The following PLS1 variants were observed in gnomAD, a reference collection of about 807,000 sequenced individuals.
PLS1 encodes plastin 1.
A neutral mutation model predicts 73.7 loss-of-function variants in PLS1; 32 were observed. The observed-to-expected ratio is 0.43, with a 90% CI of 0.33 to 0.58. The LOEUF (loss-of-function observed/expected upper bound fraction) is 0.58. PLS1 is among the 20% of genes least tolerant of loss of function. The pLI is 0.04. For missense variants in PLS1, 633 were observed against 740.5 expected (o/e 0.85, Z 1.68); for synonymous variants, 217 against 261.3 (o/e 0.83, Z 1.63).
At chr3:142,638,132 A>G (rs1328538680) in intron 1 of PLS1, among the ~76,000 whole-genome samples, 1 of 152,176 alleles carries the variant, frequency 6.6e-6, no homozygotes, top group East Asian at 1.9e-4. Flanking sequence ...TTCTATAATT[A>G]AGTCGTTTTA....
At chr3:142,636,048 CCTG>C (rs1053663175) in intron 1 of PLS1, among the ~76,000 whole-genome samples, 22 of 135,318 alleles carry the variant, frequency 1.6e-4, no homozygotes, top group African/African-American at 5.5e-4. Context: ...TGCCATCACA[CCTG>C]CTAATTTTTT....
intron 9 of PLS1, among the ~76,000 whole-genome samples, chr3:142,688,510 G>A (rs761325925): frequency 2.0e-5 from 3 of 152,292 alleles, no homozygotes; most frequent in Non-Finnish European, 2.9e-5. Flanking sequence ...AAACTTTGAC[G>A]TGACATTTTC....
chr3:142,654,058 A>G (rs2037163257), intron 1 of PLS1, among the ~76,000 whole-genome samples: 1 of 152,186 alleles, frequency 6.6e-6, no homozygotes, highest in Non-Finnish European at 1.5e-5. Context: ...AATAGTAGAA[A>G]AGTCTTGGTG....
intron 14 of PLS1, among the ~76,000 whole-genome samples, chr3:142,706,176 G>A (rs867417757): frequency 2.0e-5 from 3 of 152,060 alleles, no homozygotes; most frequent in Non-Finnish European, 4.4e-5. Context: ...TAAAGAAAAA[G>A]GCATAAAGTA....
At chr3:142,702,824 T>C (rs1446254370) in intron 12 of PLS1, among the ~76,000 whole-genome samples, 1 of 152,184 alleles carries the variant, frequency 6.6e-6, no homozygotes, top group Non-Finnish European at 1.5e-5. Flanking sequence ...TGTTTATGTA[T>C]CAGATTCTTA....
At chr3:142,596,792 T>G (rs2108524695) in intron 1 of PLS1, among the ~76,000 whole-genome samples, 1 of 152,322 alleles carries the variant, frequency 6.6e-6, no homozygotes, top group South Asian at 2.1e-4. Flanking sequence ...AATAAGGTAT[T>G]TCATTAAGTT....
chr3:142,697,107 A>G (rs578050179), intron 11 of PLS1, among the ~76,000 whole-genome samples: 2 of 152,344 alleles, frequency 1.3e-5, no homozygotes, highest in South Asian at 4.1e-4. Context: ...ATCAATTGCT[A>G]TTGCTTTATG....
At chr3:142,609,862 T>TTGTA (rs1392109513) in intron 1 of PLS1, among the ~76,000 whole-genome samples, 62 of 152,276 alleles carry the variant, frequency 4.1e-4, no homozygotes, top group African/African-American at 1.1e-3. Flanking sequence ...TGATCAAAGC[T>TTGTA]TGTATGTATG....
intron 10 of PLS1, among the ~76,000 whole-genome samples, chr3:142,692,034 A>G (rs1315854557): frequency 1.3e-5 from 2 of 152,100 alleles, no homozygotes; most frequent in African/African-American, 2.4e-5. Flanking sequence ...TTTTTTTCAT[A>G]TATAAAACAA....
intron 1 of PLS1, among the ~76,000 whole-genome samples, chr3:142,609,027 A>C (rs1441288953): frequency 6.6e-6 from 1 of 152,222 alleles, no homozygotes; most frequent in African/African-American, 2.4e-5. Context: ...AAATTGGAGT[A>C]GATGTGGTAA....
intron 1 of PLS1, chr3:142,619,767 C>T (rs538248799): frequency 6.6e-6 from 1 of 152,284 alleles, no homozygotes; most frequent in Non-Finnish European, 1.5e-5. Context: ...AACAAAAGAA[C>T]ATTGCTAATA....
intron 10 of PLS1, among the ~76,000 whole-genome samples, chr3:142,694,091 G>A (rs1157306377): frequency 6.6e-6 from 1 of 151,422 alleles, no homozygotes; most frequent in Non-Finnish European, 1.5e-5. Flanking sequence ...TGTGTTTAAT[G>A]TGCTAATGTT....
intron 14 of PLS1, among the ~76,000 whole-genome samples, chr3:142,707,855 A>C (rs2038497548): frequency 6.6e-6 from 1 of 152,198 alleles, no homozygotes; most frequent in Non-Finnish European, 1.5e-5. Flanking sequence ...TGAGAAGGGC[A>C]TCTGTTTTAC....
chr3:142,665,354 A>G (rs536282914), intron 2 of PLS1, among the ~76,000 whole-genome samples: 13 of 151,864 alleles, frequency 8.6e-5, no homozygotes, highest in African/African-American at 2.7e-4. Context: ...TTTACAAATC[A>G]TTACTGTGAA....
At chr3:142,610,721 C>T (rs141205513) in intron 1 of PLS1, among the ~76,000 whole-genome samples, 1 of 152,100 alleles carries the variant, frequency 6.6e-6, no homozygotes. Flanking sequence ...TCTCGCTGGG[C>T]CACACAGACT....
At chr3:142,621,697 C>T (rs2036318806) in intron 1 of PLS1, among the ~76,000 whole-genome samples, 1 of 152,056 alleles carries the variant, frequency 6.6e-6, no homozygotes, top group South Asian at 2.1e-4. Flanking sequence ...TTATTATTTT[C>T]CAAATACTTT....
chr3:142,669,419 T>C lies in PLS1; in HGVS notation c.100T>C (p.Tyr34His), dbSNP rs2037554436. Residue 34 changes from tyrosine to histidine, a missense_variant, in exon 3 of 16, where the codon TAT (tyrosine) becomes CAT (histidine). Tyr to His is a moderately conservative substitution (Grantham distance 83, BLOSUM62 2). Coordinates refer to ENST00000457734, the MANE Select transcript of PLS1 (RefSeq NM_001145319.2). The stretch of plus-strand genomic sequence containing the variant: ...TGACAATAGTGGGTATGTCAGTGAC[T>C]ATGAACTTCAAGACCTGTTTAAGGA... ...DIDNSGYVSDYELQDLFKEAS... is the reference protein window; with the variant it reads ...DIDNSGYVSDHELQDLFKEAS... 1 of 1,597,104 alleles carries C rather than the reference T, an allele frequency of 6.3e-7. No homozygotes were observed. The highest frequency in any genetic ancestry group is 1.3e-5 in the African/African-American group (1 of 74,604).
chr3:142,599,064 T>G (rs903637472), intron 1 of PLS1, among the ~76,000 whole-genome samples: 1 of 151,956 alleles, frequency 6.6e-6, no homozygotes, highest in Non-Finnish European at 1.5e-5. Context: ...GATGTAATTG[T>G]CTTATTTCCC....
intron 1 of PLS1, among the ~76,000 whole-genome samples, chr3:142,608,501 G>T (rs552015967): frequency 5.3e-5 from 8 of 152,300 alleles, no homozygotes; most frequent in African/African-American, 1.7e-4. Context: ...GCTTTGTGAA[G>T]GGAGTAGGAA....
Sources: gnomAD v4.1 joint callset for allele counts (sites outside exome capture counted in the v4.1 genomes callset) on GRCh38, gnomAD v4.1.1 for gene constraint, MANE v1.5 for transcripts, NCBI Gene and HGNC (gene_info 2026-07-23, HGNC 2026-07-21) for gene names.